The following NEK1 variants were observed in gnomAD, a reference collection of about 807,000 sequenced individuals.
NEK1 encodes NIMA related kinase 1.
A neutral mutation model predicts 182.1 loss-of-function variants in NEK1; 137 were observed. The ratio of observed to expected loss-of-function variants is 0.75; its 90% confidence interval spans 0.65 to 0.87. The LOEUF (loss-of-function observed/expected upper bound fraction) is 0.87, where lower values mean the gene tolerates loss of function less well. NEK1 is among the 40% of genes least tolerant of loss of function. The probability of loss-of-function intolerance (pLI) is 0.00; values close to 1 mark genes in which losing one functional copy is unlikely to be tolerated. For synonymous variants in NEK1, 513 were observed against 492.2 expected (o/e 1.04, Z -0.56); for missense variants, 1,391 against 1,494.4 (o/e 0.93, Z 1.14).
At chr4:169,591,311 G>GT (rs888771161) in intron 5 of NEK1, among the ~76,000 whole-genome samples, 9 of 151,724 alleles carry the variant, frequency 5.9e-5, no homozygotes, top group African/African-American at 2.4e-5. Context: ...CGAGCAGCTA[G>GT]TTTTTTATTT....
intron 16 of NEK1, among the ~76,000 whole-genome samples, chr4:169,556,333 C>T (rs1762162034): frequency 6.6e-6 from 1 of 152,006 alleles, no homozygotes; most frequent in African/African-American, 2.4e-5. Context: ...ACAAAAACAG[C>T]AAAATGACAC....
rs531093668 is a variant in NEK1 at position 169,507,641 on chromosome 4, A to C, written c.1911+74T>G. 32 of 1,098,854 alleles carry C rather than the reference A, an allele frequency of 2.9e-5. No homozygotes were observed. The Admixed American group carries it at 3.5e-4, about 12-fold the overall frequency. The allele number at this position is 1,098,854 out of a possible 1,614,324, so 68.1% of individuals were successfully genotyped here. A position where few individuals can be genotyped will look rare whatever the true frequency, so the allele number is the denominator to read the frequency against. On this transcript the variant is annotated intron_variant, in intron 22 of 35. Coordinates refer to ENST00000507142, the MANE Select transcript of NEK1 (RefSeq NM_001199397.3). ...GAGACTAAAGTGATATAACTATGCAAAACTTAAGAACACAATTTGCTATCT... is the reference window on the plus strand; with the variant it reads ...GAGACTAAAGTGATATAACTATGCACAACTTAAGAACACAATTTGCTATCT...
intron 29 of NEK1, among the ~76,000 whole-genome samples, chr4:169,433,224 T>C (rs1282164258): frequency 1.3e-5 from 2 of 152,026 alleles, no homozygotes; most frequent in Admixed American, 6.6e-5. Flanking sequence ...CATGCCTGGC[T>C]AATTTTTGTA....
intron 31 of NEK1, among the ~76,000 whole-genome samples, chr4:169,416,111 A>G (rs1477804899): frequency 6.6e-6 from 1 of 152,222 alleles, no homozygotes; most frequent in Non-Finnish European, 1.5e-5. Context: ...CTTAAGGACA[A>G]GAATGACTGG....
rs552684420 is a variant in NEK1 at position 169,502,243 on chromosome 4, TA to T, written c.2007+4793del. On this transcript the variant is annotated intron_variant, in intron 23 of 35. Transcript: ENST00000507142. ...AATGAGTACAAAATTGAAACAGTAA[TA>T]AAAAAAAAAAACTACCAATCAAAAA... Among the ~76,000 whole-genome samples the T allele has an allele frequency of 2.8e-3, 315 of 112,606 alleles. 1 individual carries two copies. The highest frequency in any genetic ancestry group is 6.7e-3 in the African/African-American group (202 of 30,088). 73.9% of individuals were successfully genotyped at this position (112,606 alleles called of 152,430 possible).
intron 6 of NEK1, 69 bp from the exon 7 acceptor site, chr4:169,589,583 C>T (rs1768095418): frequency 3.0e-6 from 3 of 1,011,796 alleles, no homozygotes; most frequent in Admixed American, 6.2e-5. Flanking sequence ...CAACATTTTT[C>T]ATAAAATTTA....
chr4:169,508,266 G>A lies in NEK1; in HGVS notation c.1815C>T (p.Ala605=). 6.3e-7 allele frequency: 1 copy of A among 1,590,974 alleles called. No homozygotes were observed. The highest frequency in any genetic ancestry group is 8.5e-7 in the Non-Finnish European group (1 of 1,170,154). ...AACCTACCTTTTCACCACGAAGTTTGGCTTTAATCTGTTGGCGCTCATTGA... is the reference window on the plus strand; with the variant it reads ...AACCTACCTTTTCACCACGAAGTTTAGCTTTAATCTGTTGGCGCTCATTGA... ...QNFNERQQIK[A]KLRGEKKEAN... The change falls in exon 21 of 36, where the codon GCC becomes GCT. Residue 605 remains alanine (A), a synonymous_variant. Coordinates refer to ENST00000507142, the MANE Select transcript of NEK1 (RefSeq NM_001199397.3).
At chr4:169,397,039 T>C (rs1730845377) in intron 35 of NEK1, among the ~76,000 whole-genome samples, 1 of 152,056 alleles carries the variant, frequency 6.6e-6, no homozygotes, top group Non-Finnish European at 1.5e-5. Context: ...GAGATCAACA[T>C]GGCGAAATGC....
chr4:169,587,624 T>C lies in NEK1; in HGVS notation c.552-11A>G, dbSNP rs922898921. 1 of 1,513,226 alleles carries C rather than the reference T, an allele frequency of 6.6e-7. No homozygotes were observed. Among genetic ancestry groups the C allele is most frequent in the Non-Finnish European group, 9.0e-7 (1 of 1,115,932 alleles). 93.7% of individuals were successfully genotyped at this position (1,513,226 alleles called of 1,614,324 possible). ...AGAGCCCAAATGTCACTGGAGAAGA[T>C]AAAAATGAGAAATTTCCTCTAAGTA... On this transcript the variant is annotated splice_polypyrimidine_tract_variant and intron_variant, in intron 8 of 35. Transcript: ENST00000507142.
intron 2 of NEK1, among the ~76,000 whole-genome samples, chr4:169,604,603 T>TA (rs571002439): frequency 9.3e-4 from 142 of 152,296 alleles, no homozygotes; most frequent in Non-Finnish European, 1.8e-3. Flanking sequence ...CATTGTAAAT[T>TA]AAAAAATCCA....
chr4:169,549,826 T>C (rs1477278924), intron 18 of NEK1, among the ~76,000 whole-genome samples: 2 of 152,088 alleles, frequency 1.3e-5, no homozygotes, highest in Non-Finnish European at 2.9e-5. Context: ...TTCAAGTGAT[T>C]CTCCTGCCTC....
intron 27 of NEK1, among the ~76,000 whole-genome samples, chr4:169,445,213 G>A (rs1278171073): frequency 6.6e-6 from 1 of 152,100 alleles, no homozygotes; most frequent in Non-Finnish European, 1.5e-5. Context: ...GAGGCCAGGA[G>A]TTAGAGATCG....
intron 18 of NEK1, chr4:169,554,621 T>C (rs1023807865): frequency 1.3e-5 from 2 of 152,076 alleles, no homozygotes; most frequent in Non-Finnish European, 2.9e-5. Flanking sequence ...GCTAAAACTA[T>C]GAAGGCAGTA....
rs923055526 is a variant in NEK1, at chr4:169,416,016, T to C, written c.3222+8537A>G. Among the ~76,000 whole-genome samples the C allele has an allele frequency of 8.5e-5, 13 of 152,126 alleles. No homozygotes were observed. In the East Asian group the frequency reaches 9.6e-4, roughly 11 times the overall value. On this transcript the variant is annotated intron_variant, in intron 31 of 35. Transcript: ENST00000507142. Reference sequence around the variant, plus strand: ...GCTCCACTTTTATCTCTTTAAGACATTGTATTCCTTTATTCAGAAAAAAGA... The same window carrying C: ...GCTCCACTTTTATCTCTTTAAGACACTGTATTCCTTTATTCAGAAAAAAGA...
At chr4:169,561,287 T>G (rs1271337550) in intron 16 of NEK1, among the ~76,000 whole-genome samples, 193 bp downstream of exon 16, 1 of 152,200 alleles carries the variant, frequency 6.6e-6, no homozygotes, top group East Asian at 1.9e-4. Flanking sequence ...TATAGTCACA[T>G]AACAGCAACA....
intron 12 of NEK1, among the ~76,000 whole-genome samples, chr4:169,571,259 C>A (rs1237617081): frequency 6.6e-6 from 1 of 151,946 alleles, no homozygotes; most frequent in African/African-American, 2.4e-5. Flanking sequence ...GTGGCTCATA[C>A]CTGTAATCCC....
chr4:169,445,865 T>TATACACACACAC lies in NEK1; in HGVS notation c.2588-7607_2588-7606insGTGTGTGTGTAT, dbSNP rs569539235. Among the ~76,000 whole-genome samples, 702 of 143,262 alleles carry TATACACACACAC rather than the reference T, an allele frequency of 4.9e-3. 14 individuals carry two copies. The highest frequency in any genetic ancestry group is 0.014 in the African/African-American group (497 of 35,968). 94.0% of individuals were successfully genotyped at this position (143,262 alleles called of 152,430 possible). A position where few individuals can be genotyped will look rare whatever the true frequency, so the allele number is the denominator to read the frequency against. On this transcript the variant is annotated intron_variant, in intron 27 of 35. Transcript: ENST00000507142. Reference sequence around the variant, plus strand: ...AACTATATACATATATATATATATATACACACACACACACACACACATGCA... The same window carrying TATACACACACAC: ...AACTATATACATATATATATATATATATACACACACACACACACACACACACACACACATGCA...
At chr4:169,461,280 C>T (rs1488060258) in intron 27 of NEK1, among the ~76,000 whole-genome samples, 1 of 152,092 alleles carries the variant, frequency 6.6e-6, no homozygotes, top group Non-Finnish European at 1.5e-5. Context: ...CCCTTATCTA[C>T]CTTATGAGTT....
chr4:169,460,527 C>A (rs1318013906), intron 27 of NEK1, among the ~76,000 whole-genome samples: 4 of 151,904 alleles, frequency 2.6e-5, no homozygotes, highest in African/African-American at 9.7e-5. Flanking sequence ...GGTGGGGACA[C>A]AGAGCCAAAC....
Sources: allele counts gnomAD v4.1 joint callset (sites outside exome capture counted in the v4.1 genomes callset), GRCh38; gene constraint gnomAD v4.1.1; transcripts MANE v1.5; gene names NCBI Gene and HGNC (gene_info 2026-07-23, HGNC 2026-07-21).